Variants in PCDH9 observed in about 807,000 individuals in gnomAD.
PCDH9 encodes protocadherin 9.
Under a neutral mutation model 70.6 loss-of-function variants are expected in PCDH9, and 24 were observed. The ratio of observed to expected loss-of-function variants is 0.34; its 90% confidence interval spans 0.25 to 0.48. The LOEUF is 0.48. Ranked by LOEUF, PCDH9 falls within the 20% of genes least tolerant of loss-of-function variation. The pLI is 0.99. For missense variants in PCDH9, 1,281 were observed against 1,503.6 expected (o/e 0.85, Z 2.45); for synonymous variants, 562 against 558.5 (o/e 1.01, Z -0.09).
intron 2 of PCDH9, among the ~76,000 whole-genome samples, chr13:67,140,025 A>AACC (rs2087335615): frequency 3.0e-5 from 2 of 65,938 alleles, no homozygotes; most frequent in African/African-American, 1.1e-4. Flanking sequence ...TTTTTTGATC[A>AACC]CCCCCCCCCC....
intron 4 of PCDH9, among the ~76,000 whole-genome samples, chr13:66,427,874 T>C (rs1957700099): frequency 6.6e-6 from 1 of 151,696 alleles, no homozygotes; most frequent in Non-Finnish European, 1.5e-5. Flanking sequence ...AGATATTTCA[T>C]ACTAACAATA....
chr13:66,690,734 G>T (rs1186372945), intron 3 of PCDH9, among the ~76,000 whole-genome samples: 1 of 152,186 alleles, frequency 6.6e-6, no homozygotes, highest in African/African-American at 2.4e-5. Context: ...ATCAGGGTCA[G>T]AAATAAGTTT....
chr13:66,616,195 C>A (rs533412228), intron 4 of PCDH9, among the ~76,000 whole-genome samples: 1 of 152,282 alleles, frequency 6.6e-6, no homozygotes, highest in African/African-American at 2.4e-5. Flanking sequence ...AGAGGAACAT[C>A]CAACTCACAG....
At chr13:66,503,705 C>T (rs76017516) in intron 4 of PCDH9, among the ~76,000 whole-genome samples, 6,561 of 152,146 alleles carry the variant, frequency 0.043, 221 homozygotes, top group South Asian at 0.1. Flanking sequence ...TAAGTGAAAG[C>T]GCTTTGCATA....
At chr13:67,071,888 C>CGAAAAAAAAAAAA (rs2085771413) in intron 2 of PCDH9, among the ~76,000 whole-genome samples, 1 of 86,688 alleles carries the variant, frequency 1.2e-5, no homozygotes, top group Non-Finnish European at 2.3e-5. Context: ...GACTTTGTCT[C>CGAAAAAAAAAAAA]AAAAAAAAAA....
chr13:66,973,836 C>T (rs78159360), intron 2 of PCDH9, among the ~76,000 whole-genome samples: 76 of 152,036 alleles, frequency 5.0e-4, no homozygotes, highest in African/African-American at 1.8e-3. Context: ...AGTAGAGGAG[C>T]CATTTCCCCA....
In PCDH9 at chr13:67,219,266, AATGTCAATC is replaced by A. The variant is rs2089672908; in HGVS notation, c.3036+6130_3036+6138del. ...AGAAAAGAATATAAATCAAAAGCAA[AATGTCAATC>A]ATGGTAATAAATCTTTTTTGTTCTA... On this transcript the variant is annotated intron_variant, in intron 2 of 4. Transcript: ENST00000377865. 3.9e-5 allele frequency: 6 copies of A among 152,164 alleles called. No homozygotes were observed. The South Asian group carries it at 1.2e-3, about 32-fold the overall frequency. 9.4% of individuals were successfully genotyped at this position (152,164 alleles called of 1,614,324 possible).
chr13:67,225,070 G>T, intron 2 of PCDH9: 1 of 1,139,920 alleles, frequency 8.8e-7, no homozygotes, highest in East Asian at 5.1e-5. Context: ...CAGTCAATTT[G>T]GAAACCCCCA....
intron 3 of PCDH9, among the ~76,000 whole-genome samples, chr13:66,682,985 ACAGAAT>A (rs982079459): frequency 3.3e-5 from 5 of 152,176 alleles, no homozygotes; most frequent in Admixed American, 2.0e-4. Flanking sequence ...TTATTAGTCC[ACAGAAT>A]GCTTAGAAAC....
chr13:67,018,673 T>C (rs937680775), intron 2 of PCDH9, among the ~76,000 whole-genome samples: 6 of 149,872 alleles, frequency 4.0e-5, no homozygotes, highest in Non-Finnish European at 5.9e-5. Context: ...AATGAGTTAC[T>C]AAATTAAACA....
intron 2 of PCDH9, among the ~76,000 whole-genome samples, chr13:66,956,483 G>T (rs963406960): frequency 3.3e-5 from 5 of 152,158 alleles, no homozygotes; most frequent in South Asian, 4.1e-4. Flanking sequence ...GTGCGGTGGT[G>T]GTTCATGCCT....
intron 2 of PCDH9, chr13:67,221,866 T>C (rs978201717): frequency 6.6e-6 from 1 of 152,152 alleles, no homozygotes; most frequent in African/African-American, 2.4e-5. Context: ...CTGGATATGA[T>C]AATACGAGAG....
intron 4 of PCDH9, among the ~76,000 whole-genome samples, chr13:66,443,762 T>C (rs1157877645): frequency 6.6e-6 from 1 of 152,182 alleles, no homozygotes; most frequent in Non-Finnish European, 1.5e-5. Flanking sequence ...TAAAGATAAG[T>C]AATTTGAAAA....
chr13:66,304,438 G>C lies in PCDH9; in HGVS notation c.*217C>G, dbSNP rs904106720. On this transcript the variant is annotated 3_prime_UTR_variant, in exon 5 of 5. Transcript: ENST00000377865. Reference sequence around the variant, plus strand: ...AATTTGCACAATGGAGAGATCTCTGGAGAGTGTAATCAATTCTAGTAAACA... The same window carrying C: ...AATTTGCACAATGGAGAGATCTCTGCAGAGTGTAATCAATTCTAGTAAACA... The C allele has an allele frequency of 1.9e-6, 1 of 517,284 alleles. No individual in the cohort carries two copies. The highest frequency in any genetic ancestry group is 3.4e-6 in the Non-Finnish European group (1 of 291,318). The allele number at this position is 517,284 out of a possible 1,614,324, so 32.0% of individuals were successfully genotyped here. A position where few individuals can be genotyped will look rare whatever the true frequency, so the allele number is the denominator to read the frequency against.
In PCDH9 at chr13:67,171,276, G is replaced by C. The variant is rs74095393; in HGVS notation, c.3036+54129C>G. On this transcript the variant is annotated intron_variant, in intron 2 of 4. Transcript: ENST00000377865. ...AATAGGGTATCTACAGTAAGTAAAA[G>C]CAATCATAAATATATATGAGTCGGG... 6.8e-3 allele frequency among the ~76,000 whole-genome samples: 1,033 copies of C among 152,206 alleles called. 13 individuals are homozygous for C. The highest frequency in any genetic ancestry group is 0.023 in the African/African-American group (973 of 41,532).
intron 4 of PCDH9, among the ~76,000 whole-genome samples, chr13:66,393,314 G>T (rs1481171245): frequency 6.6e-6 from 1 of 152,122 alleles, no homozygotes; most frequent in Non-Finnish European, 1.5e-5. Flanking sequence ...GTAAGAATAG[G>T]TGGAAAAAAA....
At chr13:67,025,510 A>G (rs2084762361) in intron 2 of PCDH9, among the ~76,000 whole-genome samples, 1 of 152,160 alleles carries the variant, frequency 6.6e-6, no homozygotes, top group Admixed American at 6.6e-5. Flanking sequence ...CATTGGTATC[A>G]GAAATTAACT....
At chr13:67,229,590 C>T (rs539180029) in intron 1 of PCDH9, among the ~76,000 whole-genome samples, 190 bp downstream of exon 1, 15 of 152,182 alleles carry the variant, frequency 9.9e-5, no homozygotes, top group Non-Finnish European at 2.1e-4. Flanking sequence ...CTAATCTTAT[C>T]TGCATTAGGC....
At chr13:66,566,499 T>C (rs190004836) in intron 4 of PCDH9, among the ~76,000 whole-genome samples, 99 of 152,276 alleles carry the variant, frequency 6.5e-4, no homozygotes, top group Non-Finnish European at 1.2e-3. Flanking sequence ...TCTGAATAGA[T>C]CACTTCTCTT....
Sources: gnomAD v4.1 joint callset for allele counts (sites outside exome capture counted in the v4.1 genomes callset) on GRCh38, gnomAD v4.1.1 for gene constraint, MANE v1.5 for transcripts, NCBI Gene and HGNC (gene_info 2026-07-23, HGNC 2026-07-21) for gene names.